The following RIPOR2 variants were observed in gnomAD, a reference collection of about 807,000 sequenced individuals.
The protein encoded by RIPOR2 is rho family-interacting cell polarization regulator 2.
RIPOR2 carries 39 observed loss-of-function variants against 114.5 expected under a neutral mutation model. The observed-to-expected ratio is 0.34, with a 90% CI of 0.26 to 0.44. The LOEUF is 0.44. Ranked by LOEUF, RIPOR2 falls within the 20% of genes least tolerant of loss-of-function variation. The probability of loss-of-function intolerance (pLI) is 1.00; values close to 1 mark genes in which losing one functional copy is unlikely to be tolerated. For missense variants in RIPOR2, 1,007 were observed against 1,255.1 expected, an observed-to-expected ratio of 0.80 and a Z score of 2.99; for synonymous variants, 445 against 484.4, an observed-to-expected ratio of 0.92 and a Z score of 1.07.
Position 24,832,152 on chromosome 6 carries a change from T to C in RIPOR2, c.2344+104A>G, listed in dbSNP as rs574115338. On this transcript the variant is annotated intron_variant, in intron 16 of 21. Coordinates refer to ENST00000643898, the MANE Select transcript of RIPOR2 (RefSeq NM_001286445.3). ...CTTTCTCAATCCTGTGACCTAAGAATGCTTTTCTGTTTTTCCAACAAAGCA... is the reference window on the plus strand; with the variant it reads ...CTTTCTCAATCCTGTGACCTAAGAACGCTTTTCTGTTTTTCCAACAAAGCA... The C allele has an allele frequency of 2.0e-5, 23 of 1,148,490 alleles. 1 individual carries two copies. In the South Asian group the frequency reaches 3.2e-4, roughly 16 times the overall value. 71.1% of individuals were successfully genotyped at this position (1,148,490 alleles called of 1,614,324 possible).
chr6:24,931,518 G>A (rs754060472), intron 1 of RIPOR2, among the ~76,000 whole-genome samples: 5 of 152,238 alleles, frequency 3.3e-5, no homozygotes, highest in African/African-American at 4.8e-5. Context: ...CCATCTGGGA[G>A]AGTTCCCCTC....
At chr6:25,015,888 G>GTGTT (rs1775952082) in intron 1 of RIPOR2, 1 of 74,046 alleles carries the variant, frequency 1.4e-5, no homozygotes, top group African/African-American at 5.6e-5. Flanking sequence ...AAAAACGCAG[G>GTGTT]TTTTTTGGTT....
intron 1 of RIPOR2, among the ~76,000 whole-genome samples, chr6:24,908,155 G>A (rs908192487): frequency 2.0e-5 from 3 of 152,252 alleles, no homozygotes; most frequent in African/African-American, 4.8e-5. Context: ...CAGGACCACC[G>A]GTGCAGGAAG....
In RIPOR2 at chr6:24,982,727, T is replaced by C. The variant is rs1156624307; in HGVS notation, c.76+59124A>G. 2.0e-5 allele frequency among the ~76,000 whole-genome samples: 3 copies of C among 152,134 alleles called. No individual in the cohort carries two copies. The East Asian group carries it at 5.8e-4, about 29-fold the overall frequency. On this transcript the variant is annotated intron_variant, in intron 1 of 13. Transcript: ENST00000510784. ...AAGGTCCTAATAAATGTGAAATACC[T>C]CCACTAAAAACGATCTAATATTAAG...
At chr6:25,016,846 T>G (rs1225275646) in intron 1 of RIPOR2, among the ~76,000 whole-genome samples, 2 of 152,230 alleles carry the variant, frequency 1.3e-5, no homozygotes, top group Non-Finnish European at 2.9e-5. Context: ...TTTCCAGGAA[T>G]AAAACCTAGG....
At chr6:24,957,691 A>G (rs1739305) in intron 1 of RIPOR2, among the ~76,000 whole-genome samples, 120,734 of 152,024 alleles carry the variant, frequency 0.79, 51,539 homozygotes, top group East Asian at 0.96. Flanking sequence ...GGCTAACATG[A>G]TGAAACCCCG....
chr6:25,030,763 A>C (rs960730860), intron 1 of RIPOR2, among the ~76,000 whole-genome samples: 6 of 147,424 alleles, frequency 4.1e-5, no homozygotes, highest in Admixed American at 4.0e-4. Flanking sequence ...CAATGGCGTG[A>C]TCTCGGTTCA....
At chr6:24,854,137 A>G (rs903332743) in intron 8 of RIPOR2, among the ~76,000 whole-genome samples, 42 of 151,880 alleles carry the variant, frequency 2.8e-4, no homozygotes, top group Non-Finnish European at 4.4e-4. Flanking sequence ...AAAAAAAAAA[A>G]AAAGAAAGAA....
At chr6:24,936,114 G>A (rs1026513685), upstream of RIPOR2, 25 of 503,728 alleles carry the variant, frequency 5.0e-5, no homozygotes, top group Middle Eastern at 5.1e-4. Flanking sequence ...CACCACTGAG[G>A]AGAAAGAATT....
At chr6:24,845,419 C>T (rs1052988535) in intron 12 of RIPOR2, among the ~76,000 whole-genome samples, 3 of 152,158 alleles carry the variant, frequency 2.0e-5, no homozygotes, top group African/African-American at 7.2e-5. Context: ...GCTTCTAGAA[C>T]CCATGGGCCC....
intron 1 of RIPOR2, among the ~76,000 whole-genome samples, chr6:24,890,840 G>C (rs996233365): frequency 1.6e-5 from 1 of 63,888 alleles, no homozygotes; most frequent in African/African-American, 6.7e-5. Flanking sequence ...ATTGTTTGTA[G>C]AAATAGGGTC....
chr6:24,961,864 TA>T (rs1047274006), intron 1 of RIPOR2, among the ~76,000 whole-genome samples: 22 of 152,140 alleles, frequency 1.4e-4, no homozygotes, highest in African/African-American at 5.3e-4. Flanking sequence ...TGACCTCAGG[TA>T]ATCTGCCCGT....
At position 24,855,611 on chromosome 6, in the gene RIPOR2, G is replaced by A. The variant is rs562503751; in HGVS notation, c.716-2993C>T. The stretch of plus-strand genomic sequence containing the variant: ...TCCCTTGGTACTTCAGCCTCCTTGA[G>A]TTGCTATTTATAACCTTTGTGCTCT... On this transcript the variant is annotated intron_variant, in intron 8 of 21. Transcript: ENST00000643898. Among the ~76,000 whole-genome samples the A allele has an allele frequency of 3.9e-5, 6 of 152,306 alleles. No individual in the cohort carries two copies. The South Asian group carries it at 6.2e-4, about 16-fold the overall frequency.
At chr6:24,825,518 A>G (rs1308337486) in intron 18 of RIPOR2, 90 bp from the exon 19 acceptor site, 15 of 902,106 alleles carry the variant, frequency 1.7e-5, no homozygotes, top group Non-Finnish European at 2.4e-5. Context: ...AGTACATAAG[A>G]AAGTATAGTA....
At chr6:24,923,703 G>A (rs1561778590) in intron 1 of RIPOR2, among the ~76,000 whole-genome samples, 1 of 151,972 alleles carries the variant, frequency 6.6e-6, no homozygotes, top group Non-Finnish European at 1.5e-5. Context: ...AATATTAGCA[G>A]GGGACGTGAT....
intron 7 of RIPOR2, among the ~76,000 whole-genome samples, chr6:24,863,762 A>G (rs1337955564): frequency 6.6e-6 from 1 of 152,254 alleles, no homozygotes; most frequent in African/African-American, 2.4e-5. Context: ...TTCATGTCAC[A>G]TTATTTATTG....
At chr6:24,818,970 C>T (rs192745497) in intron 19 of RIPOR2, among the ~76,000 whole-genome samples, 233 of 151,870 alleles carry the variant, frequency 1.5e-3, no homozygotes, top group African/African-American at 4.8e-3. Flanking sequence ...TGTTTTTGAT[C>T]CCAGATCATT....
At chr6:24,997,530 T>A (rs1175402502) in intron 1 of RIPOR2, among the ~76,000 whole-genome samples, 2 of 152,210 alleles carry the variant, frequency 1.3e-5, no homozygotes, top group Non-Finnish European at 2.9e-5. Context: ...GGTTAGATAA[T>A]TCTTGATTGT....
intron 1 of RIPOR2, among the ~76,000 whole-genome samples, chr6:24,914,218 C>A (rs149666610): frequency 0.025 from 3,739 of 152,124 alleles, 150 homozygotes; most frequent in African/African-American, 0.082. Flanking sequence ...TGCCTGTAAT[C>A]CCAGCTACTC....
Sources: allele counts gnomAD v4.1 joint callset (sites outside exome capture counted in the v4.1 genomes callset), GRCh38; gene constraint gnomAD v4.1.1; transcripts MANE v1.5; gene names NCBI Gene and HGNC (gene_info 2026-07-23, HGNC 2026-07-21).